The following FNIP1 variants were observed in gnomAD, a reference collection of about 807,000 sequenced individuals.
FNIP1 encodes folliculin-interacting protein 1.
In FNIP1, 40 loss-of-function variants were observed where a neutral mutation model predicts 124.5. That is an observed-to-expected ratio of 0.32 (90% CI 0.25 to 0.42). The LOEUF is 0.42. Ranked by LOEUF, FNIP1 falls within the 10% of genes least tolerant of loss-of-function variation. FNIP1 has a pLI of 1.00. For missense variants in FNIP1, 1,176 were observed against 1,403.7 expected (o/e 0.84, Z 2.59); for synonymous variants, 472 against 470.6 (o/e 1.00, Z -0.04).
intron 1 of FNIP1, among the ~76,000 whole-genome samples, chr5:131,754,434 A>G (rs750787744): frequency 1.3e-5 from 2 of 152,264 alleles, no homozygotes; most frequent in Admixed American, 6.5e-5. Context: ...AAAATAACAC[A>G]GCTAGCTAGT....
chr5:131,687,732 C>G (rs1292835274), intron 11 of FNIP1, among the ~76,000 whole-genome samples: 1 of 152,128 alleles, frequency 6.6e-6, no homozygotes, highest in African/African-American at 2.4e-5. Flanking sequence ...AGCAGGAACA[C>G]TTAAATAGTA....
At chr5:131,794,898 C>A (rs1171751902) in intron 1 of FNIP1, among the ~76,000 whole-genome samples, 1 of 152,206 alleles carries the variant, frequency 6.6e-6, no homozygotes, top group Non-Finnish European at 1.5e-5. Flanking sequence ...CATGAGGGAA[C>A]TTTTTGGGTG....
At chr5:131,696,766 A>C (rs1180882055) in intron 11 of FNIP1, among the ~76,000 whole-genome samples, 1 of 152,116 alleles carries the variant, frequency 6.6e-6, no homozygotes, top group Non-Finnish European at 1.5e-5. Flanking sequence ...ATATAAGGTG[A>C]AATTAAATTC....
chr5:131,693,735 A>G (rs556394783), intron 11 of FNIP1, among the ~76,000 whole-genome samples: 5 of 152,242 alleles, frequency 3.3e-5, no homozygotes, highest in South Asian at 2.1e-4. Context: ...GTTGGACTGC[A>G]TTAAAATTAA....
intron 2 of FNIP1, among the ~76,000 whole-genome samples, chr5:131,743,168 G>A (rs1770565850): frequency 6.6e-6 from 1 of 152,116 alleles, no homozygotes; most frequent in African/African-American, 2.4e-5. Flanking sequence ...GATAAACTCT[G>A]AAGGAGGATA....
chr5:131,776,698 A>C (rs953668503), intron 1 of FNIP1, among the ~76,000 whole-genome samples: 6 of 152,206 alleles, frequency 3.9e-5, no homozygotes, highest in Non-Finnish European at 8.8e-5. Flanking sequence ...CCATTTACAC[A>C]GAGTTAAACA....
intron 1 of FNIP1, among the ~76,000 whole-genome samples, chr5:131,792,496 G>C (rs995860656): frequency 6.6e-6 from 1 of 152,142 alleles, no homozygotes; most frequent in Non-Finnish European, 1.5e-5. Flanking sequence ...CATATTGAGG[G>C]TAGTTTGGAA....
At chr5:131,767,534 T>C (rs1237947800) in intron 1 of FNIP1, among the ~76,000 whole-genome samples, 2 of 151,984 alleles carry the variant, frequency 1.3e-5, no homozygotes, top group African/African-American at 4.8e-5. Flanking sequence ...TAATTCAATT[T>C]GATCTTGTAA....
intron 14 of FNIP1, 55 bp from the exon 15 acceptor site, chr5:131,670,686 A>G: frequency 7.8e-7 from 1 of 1,286,106 alleles, no homozygotes; most frequent in Non-Finnish European, 1.0e-6. Flanking sequence ...ATATTTAACC[A>G]GTAAAAAAAA....
At chr5:131,678,990 T>C (rs940235007) in intron 12 of FNIP1, 39 bp downstream of exon 12, 9 of 1,406,998 alleles carry the variant, frequency 6.4e-6, no homozygotes, top group Admixed American at 4.3e-5. Context: ...TGAGTTTGAT[T>C]ACAATCTAGA....
intron 16 of FNIP1, 81 bp downstream of exon 16, chr5:131,651,721 A>C: frequency 2.9e-6 from 4 of 1,359,022 alleles, no homozygotes; most frequent in East Asian, 2.5e-5. Context: ...TTCAGTCCCT[A>C]ACAGCTTTTT....
At chr5:131,735,037 T>A (rs1041874194) in intron 2 of FNIP1, among the ~76,000 whole-genome samples, 3 of 152,130 alleles carry the variant, frequency 2.0e-5, no homozygotes, top group Admixed American at 6.5e-5. Flanking sequence ...CTACTCACAA[T>A]AGCAAAGACT....
At position 131,718,966 on chromosome 5, in the gene FNIP1, CT is replaced by C. The variant is rs1469810189; in HGVS notation, c.530+19del. 1.0e-5 allele frequency: 16 copies of C among 1,597,008 alleles called. No individual in the cohort carries two copies. The highest frequency in any genetic ancestry group is 1.3e-5 in the Non-Finnish European group (15 of 1,164,998). ...CACATCTAAAGTGATACATTTCCCC[CT>C]GTATCCATAAGCACTTACGTATTGA... On this transcript the variant is annotated intron_variant, in intron 5 of 17. Transcript: ENST00000510461.
chr5:131,657,825 G>A (rs1242551142), intron 15 of FNIP1, among the ~76,000 whole-genome samples: 1 of 147,268 alleles, frequency 6.8e-6, no homozygotes, highest in Non-Finnish European at 1.5e-5. Context: ...CGGATCACAA[G>A]GTCAGGAGAT....
chr5:131,773,039 C>T (rs1362304457), intron 1 of FNIP1, among the ~76,000 whole-genome samples: 1 of 152,146 alleles, frequency 6.6e-6, no homozygotes, highest in Non-Finnish European at 1.5e-5. Context: ...TCTCAATAAT[C>T]ATCAAACCTG....
intron 1 of FNIP1, among the ~76,000 whole-genome samples, chr5:131,756,064 A>G (rs1771042259): frequency 6.6e-6 from 1 of 152,262 alleles, no homozygotes; most frequent in Middle Eastern, 3.4e-3. Context: ...GCACAATGCA[A>G]ATGTTGCAGA....
Position 131,744,550 on chromosome 5 carries a change from A to T in FNIP1, c.219+14T>A, listed in dbSNP as rs762140148. On this transcript the variant is annotated intron_variant, in intron 2 of 17. Transcript: ENST00000510461. The stretch of plus-strand genomic sequence containing the variant: ...TCAACATTAAAAGTCAACCAAATCA[A>T]TAATGATGCTCACCGATACTGATAT... 17 of 1,575,116 alleles carry T rather than the reference A, an allele frequency of 1.1e-5. No homozygotes were observed. The highest frequency in any genetic ancestry group is 1.5e-5 in the Non-Finnish European group (17 of 1,159,930).
chr5:131,744,830 A>G (rs1187921790), intron 1 of FNIP1, 140 bp from the exon 2 acceptor site: 1 of 529,416 alleles, frequency 1.9e-6, no homozygotes, highest in Non-Finnish European at 2.7e-6. Context: ...TTTATATTAA[A>G]TATCACCAGT....
At chr5:131,768,573 G>A (rs1771521135) in intron 1 of FNIP1, among the ~76,000 whole-genome samples, 1 of 152,116 alleles carries the variant, frequency 6.6e-6, no homozygotes. Flanking sequence ...ACTTTGGGAG[G>A]CTGATGCGGT....
Sources: gnomAD v4.1 joint callset for allele counts (sites outside exome capture counted in the v4.1 genomes callset) on GRCh38, gnomAD v4.1.1 for gene constraint, MANE v1.5 for transcripts, NCBI Gene and HGNC (gene_info 2026-07-23, HGNC 2026-07-21) for gene names.